The following TGIF1 variants were observed in gnomAD, a reference collection of about 807,000 sequenced individuals.
The protein encoded by TGIF1 is TGFB induced factor homeobox 1, also known as homeobox protein TGIF1.
Under a neutral mutation model 19.3 loss-of-function variants are expected in TGIF1, and 4 were observed. That is an observed-to-expected ratio of 0.21 (90% CI 0.10 to 0.47). The LOEUF (loss-of-function observed/expected upper bound fraction) is 0.47. Ranked by LOEUF, TGIF1 falls within the 20% of genes least tolerant of loss-of-function variation. TGIF1 has a pLI of 0.98. For missense variants in TGIF1, 275 were observed against 341.4 expected, an observed-to-expected ratio of 0.81 and a Z score of 1.53; for synonymous variants, 122 against 129.3, an observed-to-expected ratio of 0.94 and a Z score of 0.38.
At chr18:3,448,679 T>A, upstream of TGIF1, 1 of 964,754 alleles carries the variant, frequency 1.0e-6, no homozygotes, top group Non-Finnish European at 1.2e-6. Flanking sequence ...CCAGGCTTTT[T>A]AAACTCTGGC....
chr18:3,435,245 T>G (rs1016727212), intron 2 of TGIF1, among the ~76,000 whole-genome samples: 2 of 151,742 alleles, frequency 1.3e-5, no homozygotes, highest in Non-Finnish European at 2.9e-5. Flanking sequence ...CAGGCTGGAG[T>G]GCAGTGGTGT....
chr18:3,445,765 C>CCA (rs2082736516), upstream of TGIF1, among the ~76,000 whole-genome samples: 2 of 35,848 alleles, frequency 5.6e-5, no homozygotes, highest in African/African-American at 2.7e-4. Flanking sequence ...AGAAGAAAAG[C>CCA]AAAAAAAAAA....
intron 2 of TGIF1, among the ~76,000 whole-genome samples, chr18:3,437,187 C>G (rs1476635918): frequency 2.0e-5 from 3 of 152,124 alleles, no homozygotes. Context: ...TTTGCACATC[C>G]TCCAAACCTT....
chr18:3,449,723 T>G (rs553712296), upstream of TGIF1: 918 of 985,380 alleles, frequency 9.3e-4, no homozygotes, highest in Admixed American at 2.5e-3. Flanking sequence ...GGCTGTCTCG[T>G]GCGGCTAGAG....
chr18:3,447,512 C>CT, upstream of TGIF1: 1 of 619,322 alleles, frequency 1.6e-6, no homozygotes. Flanking sequence ...CTGAAGCCCA[C>CT]TTTTTTGAGG....
chr18:3,457,589 G>A lies in TGIF1; in HGVS notation c.468G>A (p.Leu156=), dbSNP rs766654497. The A allele has an allele frequency of 1.2e-6, 2 of 1,614,242 alleles. No homozygotes were observed. The highest frequency in any genetic ancestry group is 1.7e-6 in the Non-Finnish European group (2 of 1,180,042). ...AGPNPTLGRP[L]SPKPSSPGSV... ...CAAACCCAACCCTAGGGAGGCCACT[G>A]TCTCCTAAGCCGTCATCCCCGGGAT... Residue 156 remains leucine (L), a synonymous_variant, in exon 3 of 3, where the codon CTG becomes CTA. Transcript: ENST00000343820. This position sits in a 1 kb window ranked among gnomAD's most constrained non-coding sequence, Gnocchi z 4.9.
At chr18:3,421,385 T>TTATA (rs60744195) in intron 2 of TGIF1, among the ~76,000 whole-genome samples, 1 of 86,520 alleles carries the variant, frequency 1.2e-5, no homozygotes, top group African/African-American at 4.9e-5. Context: ...ATATATACAT[T>TTATA]TATATATATA....
At chr18:3,450,596 T>G (rs1351135183) in intron 1 of TGIF1, 91 bp downstream of exon 1, 4 of 1,546,430 alleles carry the variant, frequency 2.6e-6, no homozygotes, top group Non-Finnish European at 3.5e-6. Context: ...CTTGGTGGAC[T>G]TTTCCGCCCA....
At chr18:3,430,536 T>A (rs2082533343) in intron 2 of TGIF1, among the ~76,000 whole-genome samples, 2 of 152,348 alleles carry the variant, frequency 1.3e-5, no homozygotes, top group Admixed American at 6.5e-5. Flanking sequence ...GAAGTCTTGC[T>A]CTGTCACCCA....
chr18:3,428,779 C>T (rs7238857), intron 2 of TGIF1, among the ~76,000 whole-genome samples: 5,547 of 151,816 alleles, frequency 0.037, 353 homozygotes, highest in African/African-American at 0.13. Context: ...CAGTGGCTCA[C>T]GCCTGAGATC....
At chr18:3,418,929 G>T (rs2082366462) in intron 2 of TGIF1, 1 of 152,142 alleles carries the variant, frequency 6.6e-6, no homozygotes, top group South Asian at 2.1e-4. Flanking sequence ...GTGATGGCAG[G>T]TGCCTGTAAT....
chr18:3,429,843 G>T (rs1299523936), intron 2 of TGIF1, among the ~76,000 whole-genome samples: 2 of 152,212 alleles, frequency 1.3e-5, no homozygotes, highest in African/African-American at 4.8e-5. Context: ...TTGTCAAAGA[G>T]GAACAAACAC....
upstream of TGIF1, chr18:3,450,116 G>A (rs2082855253): frequency 9.3e-7 from 1 of 1,076,358 alleles, no homozygotes; most frequent in Admixed American, 4.8e-5. Flanking sequence ...GGGGGACGGG[G>A]CGGGCGGCTG....
chr18:3,453,371 G>A lies in TGIF1; in HGVS notation c.16+2866G>A, dbSNP rs961103211. ...GTGTCTCCCTGCCTCCCTGTCTCAT[G>A]ATGTTACCGAGCTATTCAGAAAAGA... is the stretch of plus-strand genomic sequence containing the variant. On this transcript the variant is annotated intron_variant, in intron 1 of 2. Transcript: ENST00000343820. 4.6e-5 allele frequency among the ~76,000 whole-genome samples: 7 copies of A among 152,070 alleles called. 1 individual carries two copies. The South Asian group carries it at 1.5e-3, about 32-fold the overall frequency.
intron 1 of TGIF1, among the ~76,000 whole-genome samples, chr18:3,450,894 CCCGAT>C (rs2082896970): frequency 6.6e-6 from 1 of 151,970 alleles, no homozygotes; most frequent in Non-Finnish European, 1.5e-5. Flanking sequence ...CCTCGTTTTT[CCCGAT>C]CCGGACCCAG....
intron 2 of TGIF1, among the ~76,000 whole-genome samples, chr18:3,432,138 A>C (rs1362987204): frequency 1.3e-5 from 2 of 151,884 alleles, no homozygotes; most frequent in African/African-American, 4.8e-5. Flanking sequence ...AAAAAAAAAA[A>C]AAAAAACACT....
At chr18:3,426,868 C>T (rs1474200620) in intron 2 of TGIF1, among the ~76,000 whole-genome samples, 1 of 150,908 alleles carries the variant, frequency 6.6e-6, no homozygotes, top group Non-Finnish European at 1.5e-5. Context: ...ATGGTACAGC[C>T]AAGCAGTGGG....
At chr18:3,449,800 A>T, upstream of TGIF1, 1 of 984,916 alleles carries the variant, frequency 1.0e-6, no homozygotes, top group Non-Finnish European at 1.2e-6. Flanking sequence ...CCGGGGGTGG[A>T]GGAGGGAAGG....
chr18:3,447,044 A>T (rs545725979), upstream of TGIF1, among the ~76,000 whole-genome samples: 1 of 152,366 alleles, frequency 6.6e-6, no homozygotes, highest in African/African-American at 2.4e-5. Flanking sequence ...TTTCTGGCTT[A>T]TCTGCCTTTC....
Sources: allele counts gnomAD v4.1 joint callset (sites outside exome capture counted in the v4.1 genomes callset), GRCh38; gene constraint gnomAD v4.1.1; non-coding constraint Gnocchi (gnomAD v3.1); transcripts MANE v1.5; gene names NCBI Gene and HGNC (gene_info 2026-07-23, HGNC 2026-07-21).